Variants in RBFOX1 observed in about 807,000 individuals in gnomAD.
RBFOX1 encodes RNA binding fox-1 homolog 1.
A neutral mutation model predicts 57.7 loss-of-function variants in RBFOX1; 8 were observed. The observed-to-expected ratio is 0.14, with a 90% CI of 0.08 to 0.25. The LOEUF (loss-of-function observed/expected upper bound fraction) is 0.25, where lower values mean the gene tolerates loss of function less well. RBFOX1 is among the 10% of genes least tolerant of loss of function. The probability of loss-of-function intolerance (pLI) is 1.00; values close to 1 mark genes in which losing one functional copy is unlikely to be tolerated. For synonymous variants in RBFOX1, 326 were observed against 222.4 expected, an observed-to-expected ratio of 1.47 and a Z score of -4.15; for missense variants, 611 against 548.5, an observed-to-expected ratio of 1.11 and a Z score of -1.14.
At chr16:6,930,949 A>G (rs1432778701) in intron 3 of RBFOX1, among the ~76,000 whole-genome samples, 1 of 151,892 alleles carries the variant, frequency 6.6e-6, no homozygotes, top group Non-Finnish European at 1.5e-5. Flanking sequence ...ATATATATAT[A>G]GTATCCCACC....
chr16:6,801,629 G>C (rs927740091), intron 3 of RBFOX1, among the ~76,000 whole-genome samples: 3 of 151,980 alleles, frequency 2.0e-5, no homozygotes, highest in Non-Finnish European at 4.4e-5. Flanking sequence ...TCAGGAGACA[G>C]CTAATTGGGC....
intron 1 of RBFOX1, among the ~76,000 whole-genome samples, chr16:6,233,192 T>C (rs184400994): frequency 8.5e-5 from 13 of 152,318 alleles, no homozygotes; most frequent in African/African-American, 3.1e-4. Context: ...GAATTTATTC[T>C]GAATTCACTT....
intron 1 of RBFOX1, among the ~76,000 whole-genome samples, chr16:6,106,500 C>G (rs939205320): frequency 6.8e-6 from 1 of 147,544 alleles, no homozygotes; most frequent in African/African-American, 2.5e-5. Context: ...GTTCCATGCT[C>G]TTATAAATAA....
At chr16:6,868,879 C>T (rs939009734) in intron 3 of RBFOX1, among the ~76,000 whole-genome samples, 6 of 152,298 alleles carry the variant, frequency 3.9e-5, no homozygotes, top group African/African-American at 1.4e-4. Flanking sequence ...GGTGATGTGA[C>T]TTTCTCATAG....
At chr16:7,301,198 C>A (rs1603589912) in intron 4 of RBFOX1, among the ~76,000 whole-genome samples, 1 of 152,106 alleles carries the variant, frequency 6.6e-6, no homozygotes, top group South Asian at 2.1e-4. Context: ...TCATTGGATG[C>A]CCTATTCCTG....
chr16:7,035,833 T>C (rs1415930091), intron 3 of RBFOX1, among the ~76,000 whole-genome samples: 1 of 152,154 alleles, frequency 6.6e-6, no homozygotes, highest in African/African-American at 2.4e-5. Context: ...GTGAAGCATA[T>C]GTCTTCCAGC....
chr16:5,727,171 G>A (rs1278258152), intron 3 of RBFOX1, among the ~76,000 whole-genome samples: 1 of 152,278 alleles, frequency 6.6e-6, no homozygotes, highest in Non-Finnish European at 1.5e-5. Context: ...GGAAGCTGAG[G>A]CAGGAGAATT....
chr16:5,282,620 C>A lies in RBFOX1; in HGVS notation c.219+42515C>A, dbSNP rs2063299721. 2.0e-5 allele frequency among the ~76,000 whole-genome samples: 3 copies of A among 152,160 alleles called. No individual in the cohort carries two copies. In the South Asian group the frequency reaches 6.2e-4, roughly 32 times the overall value. ...TATGTTTTAGCAAAGAGACTGGTGG[C>A]ATTTTGCCCCTGCTGTAGAGATTTG... On this transcript the variant is annotated intron_variant, in intron 1 of 2. Transcript: ENST00000585867.
At chr16:6,842,103 A>G (rs1458860668) in intron 3 of RBFOX1, among the ~76,000 whole-genome samples, 3 of 151,876 alleles carry the variant, frequency 2.0e-5, no homozygotes, top group African/African-American at 7.3e-5. Context: ...AGATCGCGCC[A>G]CTGCACTCCA....
At chr16:7,536,168 G>C (rs2081423347) in intron 5 of RBFOX1, among the ~76,000 whole-genome samples, 1 of 152,216 alleles carries the variant, frequency 6.6e-6, no homozygotes, top group South Asian at 2.1e-4. Context: ...GTGGAAAGGA[G>C]AGCTGACTGT....
intron 4 of RBFOX1, among the ~76,000 whole-genome samples, chr16:7,469,965 CA>C (rs2061263768): frequency 2.0e-5 from 3 of 151,206 alleles, no homozygotes; most frequent in Admixed American, 6.6e-5. Flanking sequence ...TTTCTCTTAG[CA>C]TAACGTCTTC....
intron 2 of RBFOX1, among the ~76,000 whole-genome samples, chr16:6,645,806 G>C (rs1462945996): frequency 6.6e-6 from 1 of 152,162 alleles, no homozygotes; most frequent in Non-Finnish European, 1.5e-5. Context: ...TATTGGATAT[G>C]CCTAGCCACA....
At chr16:7,648,532 C>A (rs2064234725) in intron 11 of RBFOX1, among the ~76,000 whole-genome samples, 1 of 152,138 alleles carries the variant, frequency 6.6e-6, no homozygotes, top group Non-Finnish European at 1.5e-5. Context: ...CAGGAAAATT[C>A]TTCTAATAAA....
chr16:6,900,069 C>G (rs867554768), intron 3 of RBFOX1, among the ~76,000 whole-genome samples: 1 of 152,100 alleles, frequency 6.6e-6, no homozygotes, highest in Non-Finnish European at 1.5e-5. Flanking sequence ...TGAGTTAATA[C>G]TCATAAAATG....
At chr16:5,713,100 C>A (rs1407168276) in intron 3 of RBFOX1, among the ~76,000 whole-genome samples, 2 of 152,174 alleles carry the variant, frequency 1.3e-5, no homozygotes, top group African/African-American at 2.4e-5. Context: ...AAGCAAGCAT[C>A]CAAAACTTTT....
chr16:6,382,074 T>G (rs1462520692), intron 2 of RBFOX1, among the ~76,000 whole-genome samples: 2 of 152,256 alleles, frequency 1.3e-5, no homozygotes, highest in Non-Finnish European at 2.9e-5. Flanking sequence ...CTTGATGATA[T>G]GTAAACAGAT....
intron 2 of RBFOX1, among the ~76,000 whole-genome samples, chr16:6,647,919 G>A (rs1025261938): frequency 1.3e-5 from 2 of 152,146 alleles, no homozygotes; most frequent in Admixed American, 1.3e-4. Flanking sequence ...TCGGCTTACT[G>A]CAACATCAGT....
chr16:6,559,059 C>A (rs1158922561), intron 2 of RBFOX1, among the ~76,000 whole-genome samples: 2 of 152,034 alleles, frequency 1.3e-5, no homozygotes, highest in Admixed American at 6.6e-5. Context: ...GAGAATATGT[C>A]TGTATTTGGT....
chr16:6,247,080 A>G (rs541695209), intron 1 of RBFOX1, among the ~76,000 whole-genome samples: 69 of 152,252 alleles, frequency 4.5e-4, no homozygotes, highest in African/African-American at 1.7e-3. Context: ...CAAACTAACA[A>G]ACTAAAAAAA....
Sources: allele counts gnomAD v4.1 joint callset (sites outside exome capture counted in the v4.1 genomes callset), GRCh38; gene constraint gnomAD v4.1.1; transcripts MANE v1.5; gene names NCBI Gene and HGNC (gene_info 2026-07-23, HGNC 2026-07-21).